Variants in CATSPERG observed in about 807,000 individuals in gnomAD.
The protein encoded by CATSPERG is catsper channel auxiliary subunit gamma.
CATSPERG carries 115 observed loss-of-function variants against 145.0 expected under a neutral mutation model. The ratio of observed to expected loss-of-function variants is 0.79; its 90% confidence interval spans 0.68 to 0.93. CATSPERG has a LOEUF of 0.93. CATSPERG is among the 40% of genes least tolerant of loss of function. CATSPERG has a pLI of 0.00. For synonymous variants in CATSPERG, 588 were observed against 589.0 expected (o/e 1.00, Z 0.02); for missense variants, 1,296 against 1,490.1 (o/e 0.87, Z 2.14).
chr19:38,366,768 T>A lies in CATSPERG; in HGVS notation c.2614-388T>A, dbSNP rs547004072. The A allele has an allele frequency of 1.2e-4, 23 of 190,378 alleles. No individual in the cohort carries two copies. The East Asian group carries it at 3.4e-3, about 28-fold the overall frequency. 11.8% of individuals were successfully genotyped at this position (190,378 alleles called of 1,614,324 possible). The stretch of plus-strand genomic sequence containing the variant: ...CAGGCTGGAGTGCAGTGGTGCAGTC[T>A]TGGCCTCTACCTCCCTGGTTCAAGC... On this transcript the variant is annotated intron_variant, in intron 22 of 28. Transcript: ENST00000409235.
In CATSPERG at chr19:38,361,865, G is replaced by C. The variant is rs776846164; in HGVS notation, c.2094+4G>C. 39 of 1,598,846 alleles carry C rather than the reference G, an allele frequency of 2.4e-5. No homozygotes were observed. The highest frequency in any genetic ancestry group is 1.7e-4 in the Middle Eastern group (1 of 6,060). On this transcript the variant is annotated splice_donor_region_variant and intron_variant, in intron 17 of 28. Transcript: ENST00000409235. ...GCTGCACTCCGTGTACGACAAGGTG[G>C]GCGTCCGGCGGCGGGCGGGCAGGCC... is the stretch of plus-strand genomic sequence containing the variant.
At chr19:38,351,763 T>C (rs1275459287) in intron 7 of CATSPERG, among the ~76,000 whole-genome samples, 1 of 151,828 alleles carries the variant, frequency 6.6e-6, no homozygotes, top group African/African-American at 2.4e-5. Context: ...AATTAAAAAA[T>C]TAGCTAGGCA....
chr19:38,369,984 G>T lies in CATSPERG; in HGVS notation c.3033G>T (p.Leu1011=). The change falls in exon 27 of 29, where the codon CTG becomes CTT. Residue 1011 remains leucine, a synonymous_variant. Coordinates refer to ENST00000409235, the MANE Select transcript of CATSPERG (RefSeq NM_021185.5). Reference sequence around the variant, plus strand: ...CTTTGGCTTGCAGGTGGCTCTGTCTGGAGAATGCCCCATGCTATGACAATG... The same window carrying T: ...CTTTGGCTTGCAGGTGGCTCTGTCTTGAGAATGCCCCATGCTATGACAATG... The part of the protein sequence containing the change: ...HESPGIEWLC[L]ENAPCYDNVP... 1 of 1,614,208 alleles carries T rather than the reference G, an allele frequency of 6.2e-7. No homozygotes were observed. Among genetic ancestry groups the T allele is most frequent in the Non-Finnish European group, 8.5e-7 (1 of 1,180,016 alleles).
At chr19:38,350,218 A>C (rs1318976217) in intron 7 of CATSPERG, among the ~76,000 whole-genome samples, 1 of 152,188 alleles carries the variant, frequency 6.6e-6, no homozygotes, top group African/African-American at 2.4e-5. Context: ...AGCTAAACTC[A>C]ATCACCAAAA....
In CATSPERG at chr19:38,348,128, G is replaced by A. The variant is rs910559760; in HGVS notation, c.825+1523G>A. ...CCTGTGTCAGCTTTCTCTGTTCTGA[G>A]CCAAGTCTATTCAGACATTGTTTAA... On this transcript the variant is annotated intron_variant, in intron 7 of 28. Transcript: ENST00000409235. Among the ~76,000 whole-genome samples, 11 of 152,112 alleles carry A rather than the reference G, an allele frequency of 7.2e-5. No homozygotes were observed. In the East Asian group the frequency reaches 1.9e-3, roughly 27 times the overall value.
At chr19:38,366,909 G>A (rs1272473640) in intron 22 of CATSPERG, 1 of 506,448 alleles carries the variant, frequency 2.0e-6, no homozygotes, top group Non-Finnish European at 3.5e-6. Context: ...GGCCAGGCTA[G>A]TCTCGAACTC....
intron 1 of CATSPERG, 165 bp from the exon 2 acceptor site, chr19:38,337,056 A>C: frequency 1.3e-6 from 1 of 798,606 alleles, no homozygotes; most frequent in Non-Finnish European, 1.9e-6. Context: ...GCCAGGAGCA[A>C]GAGCAGGGGC....
chr19:38,368,014 C>T, intron 25 of CATSPERG, 34 bp from the exon 26 acceptor site: 1 of 1,604,052 alleles, frequency 6.2e-7, no homozygotes. Flanking sequence ...CACCGCCCCC[C>T]AACCCCTGGC....
At chr19:38,357,976 A>T (rs1272767981) in intron 11 of CATSPERG, 2 of 300,274 alleles carry the variant, frequency 6.7e-6, no homozygotes, top group African/African-American at 4.3e-5. Context: ...TTAGCTGGGC[A>T]TGGTGGTGGT....
rs1437141244 is a variant in CATSPERG, at chr19:38,367,191, C to G, written c.2649C>G (p.Pro883=). The G allele has an allele frequency of 6.2e-7, 1 of 1,613,774 alleles. No homozygotes were observed. The highest frequency in any genetic ancestry group is 2.2e-5 in the East Asian group (1 of 44,860). The change falls in exon 23 of 29, where the codon CCC becomes CCG. Residue 883 remains proline, a synonymous_variant. Coordinates refer to ENST00000409235, the MANE Select transcript of CATSPERG (RefSeq NM_021185.5). ...TGGTGCCAGTGTTCATTGGCTGCCCCCCAGGCAAGCGCCTGGCCTTCGACA... is the reference window on the plus strand; with the variant it reads ...TGGTGCCAGTGTTCATTGGCTGCCCGCCAGGCAAGCGCCTGGCCTTCGACA... ...NLMVPVFIGC[P]PGKRLAFDIT... is the part of the protein sequence containing the mutation.
At chr19:38,370,426 C>CA in intron 28 of CATSPERG, 100 bp from the exon 29 acceptor site, 12 of 1,520,336 alleles carry the variant, frequency 7.9e-6, no homozygotes, top group Non-Finnish European at 1.1e-5. Flanking sequence ...CTCCTGCTGT[C>CA]ATGCCTCCAT....
rs373010099 is a variant in CATSPERG, at chr19:38,362,559, A to G, written c.2341A>G (p.Thr781Ala). The change falls in exon 19 of 29, where the codon ACG (threonine) becomes GCG (alanine). Residue 781 changes from threonine to alanine, a missense_variant. By Grantham distance (58) the Thr-to-Ala change is moderately conservative. Transcript: ENST00000409235. Reference protein sequence around the residue: ...FLSAQGHSFRTQSELGTAFQL... With the variant: ...FLSAQGHSFRAQSELGTAFQL... Reference sequence around the variant, plus strand: ...GTCGGCGCAGGGCCACTCGTTCCGGACGCAGTCAGAACTCGGTCTGCGCGG... The same window carrying G: ...GTCGGCGCAGGGCCACTCGTTCCGGGCGCAGTCAGAACTCGGTCTGCGCGG... 1.2e-6 allele frequency: 2 copies of G among 1,613,704 alleles called. No individual in the cohort carries two copies. Among genetic ancestry groups the G allele is most frequent in the African/African-American group, 1.3e-5 (1 of 74,902 alleles).
intron 13 of CATSPERG, among the ~76,000 whole-genome samples, chr19:38,359,231 CT>C (rs1313649809): frequency 6.6e-6 from 1 of 152,074 alleles, no homozygotes; most frequent in African/African-American, 2.4e-5. Flanking sequence ...CTAGGGGCCC[CT>C]GAGCCACCTT....
chr19:38,339,696 T>G (rs1413664737), intron 3 of CATSPERG, among the ~76,000 whole-genome samples: 1 of 152,172 alleles, frequency 6.6e-6, no homozygotes, highest in Admixed American at 6.5e-5. Context: ...CTTGCGTAAC[T>G]AAAGATCATG....
At chr19:38,354,226 T>C (rs929634001) in intron 8 of CATSPERG, among the ~76,000 whole-genome samples, 1 of 152,026 alleles carries the variant, frequency 6.6e-6, no homozygotes, top group Non-Finnish European at 1.5e-5. Flanking sequence ...AGAAAAGTGG[T>C]GTTTATTGGC....
chr19:38,361,182 A>C (rs60759642), intron 16 of CATSPERG, among the ~76,000 whole-genome samples: 6,476 of 152,020 alleles, frequency 0.043, 244 homozygotes, highest in East Asian at 0.13. Context: ...CCTGGTGGTC[A>C]TGGGGAGAAA....
chr19:38,352,128 C>A, intron 7 of CATSPERG, 133 bp from the exon 8 acceptor site: 1 of 844,808 alleles, frequency 1.2e-6, no homozygotes, highest in Non-Finnish European at 1.8e-6. Context: ...GCGGGGTGAG[C>A]AGGGAGAGCG....
intron 3 of CATSPERG, among the ~76,000 whole-genome samples, chr19:38,342,891 G>T (rs1338808933): frequency 6.6e-6 from 1 of 152,178 alleles, no homozygotes; most frequent in East Asian, 1.9e-4. Flanking sequence ...ATCCCTGGGA[G>T]GTTGTCCAGG....
rs1970360187 is a variant in CATSPERG at position 38,362,192 on chromosome 19, G to C, written c.2095-18G>C. The C allele has an allele frequency of 1.3e-6, 2 of 1,572,294 alleles. No homozygotes were observed. Among genetic ancestry groups the C allele is most frequent in the Non-Finnish European group, 1.7e-6 (2 of 1,159,070 alleles). ...CCCCGCTGCCCAATCCCTTCACGGT[G>C]CCGGGCGATCCCTGCAGCCGTACGC... On this transcript the variant is annotated intron_variant, in intron 17 of 28. Coordinates refer to ENST00000409235, the MANE Select transcript of CATSPERG (RefSeq NM_021185.5).
Sources: gnomAD v4.1 joint callset for allele counts (sites outside exome capture counted in the v4.1 genomes callset) on GRCh38, gnomAD v4.1.1 for gene constraint, MANE v1.5 for transcripts, NCBI Gene and HGNC (gene_info 2026-07-23, HGNC 2026-07-21) for gene names.